Variants in RUNX2 observed in about 807,000 individuals in gnomAD.
RUNX2 encodes the protein RUNX family transcription factor 2, also known as runt-related transcription factor 2.
Under a neutral mutation model 51.7 loss-of-function variants are expected in RUNX2, and 10 were observed. The ratio of observed to expected loss-of-function variants is 0.19; its 90% CI spans 0.12 to 0.33. The LOEUF is 0.33. RUNX2 is among the 10% of genes least tolerant of loss of function. The pLI is 1.00. For missense variants in RUNX2, 562 were observed against 691.3 expected (o/e 0.81, Z 2.10); for synonymous variants, 276 against 273.6 (o/e 1.01, Z -0.09).
At chr6:45,430,477 T>C (rs774793636) in intron 3 of RUNX2, among the ~76,000 whole-genome samples, 3 of 152,174 alleles carry the variant, frequency 2.0e-5, no homozygotes, top group Admixed American at 6.5e-5. Context: ...AGTTTTTTGT[T>C]TGATTGTTTT....
At chr6:45,328,556 T>A (rs1786807677) in intron 1 of RUNX2, 96 bp downstream of exon 1, 1 of 1,580,510 alleles carries the variant, frequency 6.3e-7, no homozygotes, top group African/African-American at 1.4e-5. Flanking sequence ...TTTCACATGT[T>A]ACCAGCTACA....
At chr6:45,359,176 T>G (rs372314818) in intron 2 of RUNX2, among the ~76,000 whole-genome samples, 3 of 152,300 alleles carry the variant, frequency 2.0e-5, no homozygotes. Flanking sequence ...ATCAATTATT[T>G]TATGTAGCCA....
chr6:45,549,903 A>C lies in RUNX2; in HGVS notation c.*2598A>C, dbSNP rs1582235712. On this transcript the variant is annotated 3_prime_UTR_variant, in exon 9 of 9. Transcript: ENST00000647337. ...AAAAATTCAAGCACTTCTTCCCTCC[A>C]CCCTCACTCCAACCACCCCAATGGG... 1 of 152,244 alleles carries C rather than the reference A, an allele frequency of 6.6e-6. No homozygotes were observed. Among genetic ancestry groups the C allele is most frequent in the Admixed American group, 6.6e-5 (1 of 15,234 alleles). 9.4% of individuals were successfully genotyped at this position (152,244 alleles called of 1,614,324 possible).
intron 6 of RUNX2, 71 bp downstream of exon 6, chr6:45,492,185 T>A: frequency 6.8e-7 from 1 of 1,473,984 alleles, no homozygotes; most frequent in Non-Finnish European, 9.5e-7. Flanking sequence ...CCAGAGGAGA[T>A]GTGTTCACTT....
intron 5 of RUNX2, among the ~76,000 whole-genome samples, chr6:45,474,757 G>A (rs946777738): frequency 6.6e-6 from 1 of 152,094 alleles, no homozygotes; most frequent in African/African-American, 2.4e-5. Flanking sequence ...TGCCTTATTT[G>A]TTTTTGTAGT....
chr6:45,530,894 G>T (rs1374067054), intron 7 of RUNX2, among the ~76,000 whole-genome samples: 1 of 152,124 alleles, frequency 6.6e-6, no homozygotes, highest in Non-Finnish European at 1.5e-5. Context: ...TAACTCCAAA[G>T]GTGAGAGTAA....
At chr6:45,409,612 C>G (rs1008759910) in intron 2 of RUNX2, among the ~76,000 whole-genome samples, 2 of 152,086 alleles carry the variant, frequency 1.3e-5, no homozygotes, top group African/African-American at 4.8e-5. Flanking sequence ...TTTATATTCC[C>G]AACAAGATGT....
intron 7 of RUNX2, among the ~76,000 whole-genome samples, chr6:45,533,597 C>T (rs762678777): frequency 1.3e-5 from 2 of 152,124 alleles, no homozygotes; most frequent in African/African-American, 2.4e-5. Context: ...GTCAGAGGAA[C>T]GAGTTACTAC....
At chr6:45,467,028 A>G (rs1799652897) in intron 5 of RUNX2, among the ~76,000 whole-genome samples, 1 of 151,958 alleles carries the variant, frequency 6.6e-6, no homozygotes, top group South Asian at 2.1e-4. Flanking sequence ...CTCATTGCCT[A>G]CTCACGCTGA....
chr6:45,404,259 C>CAAAAAAAAAAAAAAA (rs34529128), intron 2 of RUNX2, among the ~76,000 whole-genome samples: 3 of 27,694 alleles, frequency 1.1e-4, no homozygotes, highest in Non-Finnish European at 1.3e-4. Context: ...GACTCTGTCT[C>CAAAAAAAAAAAAAAA]AAAAAAAAAA....
intron 3 of RUNX2, among the ~76,000 whole-genome samples, chr6:45,424,085 G>A (rs1431862488): frequency 2.0e-5 from 3 of 152,274 alleles, no homozygotes; most frequent in African/African-American, 7.2e-5. Context: ...AGCACGGAGT[G>A]AGCTCGAAGG....
chr6:45,401,957 C>G (rs1320067338), intron 2 of RUNX2, among the ~76,000 whole-genome samples: 4 of 152,326 alleles, frequency 2.6e-5, no homozygotes, highest in Middle Eastern at 3.4e-3. Context: ...AGCTTTCGCT[C>G]CTAGTGTCTT....
chr6:45,533,178 G>C (rs550892960), intron 7 of RUNX2, among the ~76,000 whole-genome samples: 1 of 151,902 alleles, frequency 6.6e-6, no homozygotes, highest in African/African-American at 2.4e-5. Context: ...GAATGTTATC[G>C]AACAGAGTAG....
At chr6:45,374,768 C>G (rs937313641) in intron 2 of RUNX2, among the ~76,000 whole-genome samples, 2 of 152,130 alleles carry the variant, frequency 1.3e-5, no homozygotes, top group African/African-American at 4.8e-5. Context: ...CCAGAGGGAA[C>G]CAAAACTCAA....
At position 45,547,393 on chromosome 6, in the gene RUNX2, TATATC is replaced by T; in HGVS notation, c.*89_*93del. On this transcript the variant is annotated 3_prime_UTR_variant, in exon 9 of 9. Coordinates refer to ENST00000647337, the MANE Select transcript of RUNX2 (RefSeq NM_001024630.4). ...TATATAGAGAGAGTGCATATATATG[TATATC>T]GATTAGCTATCTACAAAGTGCCTAT... 5 of 1,064,494 alleles carry T rather than the reference TATATC, an allele frequency of 4.7e-6. No individual in the cohort carries two copies. The highest frequency in any genetic ancestry group is 7.2e-6 in the Non-Finnish European group (5 of 690,326). 65.9% of individuals were successfully genotyped at this position (1,064,494 alleles called of 1,614,324 possible). A position where few individuals can be genotyped will look rare whatever the true frequency, so the allele number is the denominator to read the frequency against.
intron 2 of RUNX2, among the ~76,000 whole-genome samples, chr6:45,363,050 A>C (rs908040922): frequency 4.6e-5 from 7 of 152,084 alleles, no homozygotes; most frequent in African/African-American, 1.7e-4. Flanking sequence ...TCTTCTTCTT[A>C]AAGGCAACTG....
At chr6:45,400,719 T>G (rs61467394) in intron 2 of RUNX2, among the ~76,000 whole-genome samples, 11,393 of 152,298 alleles carry the variant, frequency 0.075, 587 homozygotes, top group South Asian at 0.18. Context: ...TTTCCTTGAT[T>G]TCTATTATTG....
intron 2 of RUNX2, among the ~76,000 whole-genome samples, chr6:45,347,284 C>T (rs749998955): frequency 1.4e-4 from 22 of 151,974 alleles, no homozygotes; most frequent in Non-Finnish European, 2.5e-4. Context: ...AAAATGAATT[C>T]GATTTCACTG....
At chr6:45,371,660 C>G (rs968806640) in intron 2 of RUNX2, among the ~76,000 whole-genome samples, 4 of 152,152 alleles carry the variant, frequency 2.6e-5, no homozygotes, top group African/African-American at 9.6e-5. Context: ...AAGTTGTAAA[C>G]ATAGCAGTCA....
Sources: allele counts gnomAD v4.1 joint callset (sites outside exome capture counted in the v4.1 genomes callset), GRCh38; gene constraint gnomAD v4.1.1; transcripts MANE v1.5; gene names NCBI Gene and HGNC (gene_info 2026-07-23, HGNC 2026-07-21).